SATB2: variants seen among roughly 807,000 people sequenced by gnomAD.
SATB2 encodes SATB homeobox 2.
A neutral mutation model predicts 73.4 loss-of-function variants in SATB2; 1 was observed. The observed-to-expected ratio is 0.01, with a 90% CI of 0.00 to 0.06. The LOEUF (loss-of-function observed/expected upper bound fraction) is 0.06. SATB2 is among the 10% of genes least tolerant of loss of function. The probability of loss-of-function intolerance (pLI) is 1.00; values close to 1 mark genes in which losing one functional copy is unlikely to be tolerated. For synonymous variants in SATB2, 397 were observed against 367.0 expected (o/e 1.08, Z -0.93); for missense variants, 459 against 945.8 (o/e 0.49, Z 6.75).
intron 10 of SATB2, among the ~76,000 whole-genome samples, chr2:199,280,137 A>G (rs1692440907): frequency 6.6e-6 from 1 of 152,210 alleles, no homozygotes; most frequent in Non-Finnish European, 1.5e-5. Context: ...AGTTCCCCAA[A>G]TTGATACTTT....
At chr2:199,412,596 T>C (rs2105904764) in intron 3 of SATB2, among the ~76,000 whole-genome samples, 1 of 152,302 alleles carries the variant, frequency 6.6e-6, no homozygotes, top group Non-Finnish European at 1.5e-5. Flanking sequence ...TCTCCCCAAC[T>C]AGGTAATAAG....
In SATB2 at chr2:199,272,030, A is replaced by AT; in HGVS notation, c.*180dup. The AT allele has an allele frequency of 4.5e-6, 3 of 665,894 alleles. No homozygotes were observed. The South Asian group carries it at 5.2e-5, about 12-fold the overall frequency. The allele number at this position is 665,894 out of a possible 1,614,324, so 41.2% of individuals were successfully genotyped here. ...CTGAACTTATTCAGTCTATAGGTGTATCCTGTGCAACAAAGAAATGTCCAA... is the reference window on the plus strand; with the variant it reads ...CTGAACTTATTCAGTCTATAGGTGTATTCCTGTGCAACAAAGAAATGTCCAA... On this transcript the variant is annotated 3_prime_UTR_variant, in exon 11 of 11. Coordinates refer to ENST00000417098, the MANE Select transcript of SATB2 (RefSeq NM_001172509.2). The surrounding 1 kb of genome is among the most constrained non-coding windows in gnomAD (Gnocchi z 6.7).
chr2:199,319,369 C>G (rs575420352), intron 9 of SATB2, among the ~76,000 whole-genome samples: 1 of 152,110 alleles, frequency 6.6e-6, no homozygotes, highest in Non-Finnish European at 1.5e-5. Flanking sequence ...TATCATCTCA[C>G]CAGAGACCCC....
chr2:199,455,995 CG>C lies in SATB2; in HGVS notation c.42del (p.Asp15ThrfsTer15). On this transcript the variant is annotated frameshift_variant, in exon 2 of 11. Coordinates refer to ENST00000417098, the MANE Select transcript of SATB2 (RefSeq NM_001172509.2). LOFTEE classifies it high-confidence loss of function. The surrounding 1 kb of genome is among the most constrained non-coding windows in gnomAD (Gnocchi z 4.1). Reference sequence around the variant, plus strand: ...ACGTCCGGGCTGCCGCTCCGCCGGTCGGGGCTGTCCCGCAGACACGGGCTCT... The same window carrying C: ...ACGTCCGGGCTGCCGCTCCGCCGGTCGGGCTGTCCCGCAGACACGGGCTCT... ...RSESPCLRDS[P>X]DRRSGSPDVK... is the part of the protein sequence containing the mutation. 2 of 1,540,390 alleles carry C rather than the reference CG, an allele frequency of 1.3e-6. No individual in the cohort carries two copies.
intron 10 of SATB2, among the ~76,000 whole-genome samples, chr2:199,290,284 C>A (rs765167335): frequency 6.6e-6 from 1 of 152,226 alleles, no homozygotes; most frequent in Non-Finnish European, 1.5e-5. Context: ...CTTACTTATA[C>A]GCTGTATTAT....
chr2:199,327,280 A>G (rs1401152728), intron 8 of SATB2, among the ~76,000 whole-genome samples: 2 of 152,088 alleles, frequency 1.3e-5, no homozygotes, highest in East Asian at 3.9e-4. Flanking sequence ...CCTCTACTAA[A>G]AATACAAAAA....
chr2:199,442,270 G>A (rs913290567), intron 2 of SATB2, among the ~76,000 whole-genome samples: 1 of 152,190 alleles, frequency 6.6e-6, no homozygotes, highest in African/African-American at 2.4e-5. Context: ...AAGCTTTCTA[G>A]GAAATGATCC....
intron 7 of SATB2, among the ~76,000 whole-genome samples, chr2:199,338,589 A>T (rs1203365474): frequency 6.6e-6 from 1 of 152,064 alleles, no homozygotes; most frequent in East Asian, 1.9e-4. Flanking sequence ...TCTGGCAACT[A>T]ATTTTTAAGA....
chr2:199,327,360 G>A (rs1688057650), intron 8 of SATB2, among the ~76,000 whole-genome samples: 1 of 152,156 alleles, frequency 6.6e-6, no homozygotes, highest in African/African-American at 2.4e-5. Context: ...AGAATCACTT[G>A]AACCTGAGAA....
At chr2:199,332,266 G>A (rs1464006529) in intron 7 of SATB2, among the ~76,000 whole-genome samples, 1 of 152,062 alleles carries the variant, frequency 6.6e-6, no homozygotes, top group Non-Finnish European at 1.5e-5. Flanking sequence ...TGTTAGCCGA[G>A]ATTATGTAAG....
intron 3 of SATB2, among the ~76,000 whole-genome samples, chr2:199,428,764 G>T (rs1014091375): frequency 6.6e-6 from 1 of 152,090 alleles, no homozygotes; most frequent in Admixed American, 6.6e-5. Context: ...GGGTATAGTG[G>T]CTCACACCTT....
chr2:199,380,548 G>C (rs997117216), intron 4 of SATB2, 61 bp from the exon 5 acceptor site: 6 of 1,589,930 alleles, frequency 3.8e-6, no homozygotes, highest in Non-Finnish European at 5.1e-6. Context: ...TGACTGAAGA[G>C]GAGACACTGC....
chr2:199,301,234 T>C (rs1323942989), intron 10 of SATB2, among the ~76,000 whole-genome samples: 1 of 152,124 alleles, frequency 6.6e-6, no homozygotes, highest in African/African-American at 2.4e-5. Flanking sequence ...CCCTTAGGCA[T>C]TGGTTTCCTA....
At chr2:199,279,309 A>C (rs1222477608) in intron 10 of SATB2, among the ~76,000 whole-genome samples, 1 of 152,228 alleles carries the variant, frequency 6.6e-6, no homozygotes, top group African/African-American at 2.4e-5. Context: ...AAAGTTGACT[A>C]AGAAAGATAA....
chr2:199,350,144 T>C (rs961872985), intron 6 of SATB2, among the ~76,000 whole-genome samples: 5 of 152,110 alleles, frequency 3.3e-5, no homozygotes, highest in African/African-American at 4.8e-5. Flanking sequence ...AAGCAAAAAA[T>C]CCATACAAAT....
chr2:199,329,763 A>T (rs1362359266), intron 7 of SATB2, among the ~76,000 whole-genome samples: 1 of 152,168 alleles, frequency 6.6e-6, no homozygotes, highest in Non-Finnish European at 1.5e-5. Flanking sequence ...ATTCACAAAG[A>T]AAAGGAAAAT....
rs900915239 is a variant in SATB2 at position 199,457,478 on chromosome 2, T to A, written c.-199A>T. The stretch of plus-strand genomic sequence containing the variant: ...CTCTTTACTCCTTCCCCTTCCCTCT[T>A]CCCCAGGTCCTAATGTTTAAGGTCC... On this transcript the variant is annotated 5_prime_UTR_variant, in exon 1 of 11. Transcript: ENST00000417098. The surrounding 1 kb of genome is among the most constrained non-coding windows in gnomAD (Gnocchi z 4.8). 2.0e-5 allele frequency: 3 copies of A among 151,860 alleles called. No homozygotes were observed. Among genetic ancestry groups the A allele is most frequent in the Non-Finnish European group, 4.4e-5 (3 of 68,224 alleles). 9.4% of individuals were successfully genotyped at this position (151,860 alleles called of 1,614,324 possible). A position where few individuals can be genotyped will look rare whatever the true frequency, so the allele number is the denominator to read the frequency against.
At chr2:199,443,973 C>T (rs1336982554) in intron 2 of SATB2, among the ~76,000 whole-genome samples, 1 of 152,162 alleles carries the variant, frequency 6.6e-6, no homozygotes, top group Admixed American at 6.5e-5. Context: ...ACCCAGCCTA[C>T]AGACCAGGGA....
At position 199,463,016 on chromosome 2, in the gene SATB2, G is replaced by C. The variant is rs974204702; in HGVS notation, c.-141+1820C>G. Reference sequence around the variant, plus strand: ...TCGGGTGTGGGCACTGCCTGCCCTGGGGGAAGAAAGCGAGGAGATAGGTTT... The same window carrying C: ...TCGGGTGTGGGCACTGCCTGCCCTGCGGGAAGAAAGCGAGGAGATAGGTTT... On this transcript the variant is annotated intron_variant, in intron 1 of 11. Transcript: ENST00000260926. The surrounding 1 kb of genome is among the most constrained non-coding windows in gnomAD (Gnocchi z 6.4). 3.3e-5 allele frequency among the ~76,000 whole-genome samples: 5 copies of C among 152,164 alleles called. No homozygotes were observed. The highest frequency in any genetic ancestry group is 7.4e-5 in the Non-Finnish European group (5 of 68,022).
Sources: allele counts gnomAD v4.1 joint callset (sites outside exome capture counted in the v4.1 genomes callset), GRCh38; gene constraint gnomAD v4.1.1; non-coding constraint Gnocchi (gnomAD v3.1); transcripts MANE v1.5; gene names NCBI Gene and HGNC (gene_info 2026-07-23, HGNC 2026-07-21).